The following EIPR1 variants were observed in gnomAD, a reference collection of about 807,000 sequenced individuals.
EIPR1 encodes EARP complex and GARP complex interacting protein 1.
A neutral mutation model predicts 48.1 loss-of-function variants in EIPR1; 25 were observed. That is an observed-to-expected ratio of 0.52 (90% CI 0.38 to 0.73). The LOEUF is 0.73. EIPR1 is among the 30% of genes least tolerant of loss of function. The pLI, the probability that EIPR1 is intolerant of heterozygous loss-of-function variation, is 0.00. For synonymous variants in EIPR1, 204 were observed against 201.9 expected (o/e 1.01, Z -0.09); for missense variants, 415 against 506.2 (o/e 0.82, Z 1.73).
chr2:3,294,616 C>CCA (rs1351081397), intron 3 of EIPR1, among the ~76,000 whole-genome samples: 1 of 129,184 alleles, frequency 7.7e-6, no homozygotes, highest in Non-Finnish European at 1.6e-5. Context: ...CATCCTCTCT[C>CCA]CACACACACC....
chr2:3,343,859 T>A (rs1006381612), intron 2 of EIPR1, among the ~76,000 whole-genome samples: 1 of 152,054 alleles, frequency 6.6e-6, no homozygotes, highest in Non-Finnish European at 1.5e-5. Context: ...CACTGTCCAT[T>A]TCATCTGCGC....
chr2:3,202,781 C>T (rs1419140360), intron 5 of EIPR1, among the ~76,000 whole-genome samples: 3 of 152,194 alleles, frequency 2.0e-5, no homozygotes, highest in African/African-American at 4.8e-5. Context: ...GCACCGCTTG[C>T]GTCCAAAACC....
intron 3 of EIPR1, among the ~76,000 whole-genome samples, chr2:3,332,792 C>T (rs1358398756): frequency 6.6e-6 from 1 of 152,204 alleles, no homozygotes; most frequent in Non-Finnish European, 1.5e-5. Context: ...CTCCCCCTTC[C>T]ACCAACTCCA....
At chr2:3,225,222 ATGTGTGTGTGTGTGTGTGTG>A (rs61557621) in intron 4 of EIPR1, among the ~76,000 whole-genome samples, 18 of 137,018 alleles carry the variant, frequency 1.3e-4, no homozygotes, top group Middle Eastern at 3.5e-3. Context: ...ACACTGTGAT[ATGTGTGTGTGTGTGTGTGTG>A]TGTGTGTGTG....
At chr2:3,244,247 C>G (rs778937149) in intron 4 of EIPR1, among the ~76,000 whole-genome samples, 3 of 152,210 alleles carry the variant, frequency 2.0e-5, no homozygotes, top group Non-Finnish European at 4.4e-5. Flanking sequence ...ACCTGAACAG[C>G]AGTTTGGTCT....
chr2:3,252,703 G>A (rs750639566), intron 4 of EIPR1, among the ~76,000 whole-genome samples: 2 of 152,208 alleles, frequency 1.3e-5, no homozygotes, highest in African/African-American at 2.4e-5. Flanking sequence ...AGACAGGAGC[G>A]TCTAAGTGGG....
chr2:3,246,510 T>C (rs529797065), intron 4 of EIPR1, among the ~76,000 whole-genome samples: 5 of 152,088 alleles, frequency 3.3e-5, no homozygotes, highest in African/African-American at 4.8e-5. Context: ...TGCTAAATGC[T>C]CTCAGCCTGT....
intron 3 of EIPR1, chr2:3,319,799 CCCTGCGGGCAACACCGCA>C (rs1669450375): frequency 8.8e-5 from 10 of 113,006 alleles, no homozygotes; most frequent in African/African-American, 3.8e-4. Context: ...GCAACACCAC[CCCTGCGGGCAACACCGCA>C]CCTGCAGGCA....
chr2:3,205,300 A>G (rs1262006089), intron 5 of EIPR1, among the ~76,000 whole-genome samples: 2 of 152,324 alleles, frequency 1.3e-5, no homozygotes, highest in East Asian at 3.9e-4. Flanking sequence ...ATGACTTGCC[A>G]TTATGTCTGA....
At position 3,286,667 on chromosome 2, in the gene EIPR1, G is replaced by A. The variant is rs1017005884; in HGVS notation, c.260-29212C>T. Among the ~76,000 whole-genome samples the A allele has an allele frequency of 6.6e-5, 10 of 152,242 alleles. No homozygotes were observed. Among genetic ancestry groups the A allele is most frequent in the African/African-American group, 2.2e-4 (9 of 41,470 alleles). On this transcript the variant is annotated intron_variant, in intron 3 of 8. Coordinates refer to ENST00000382125, the MANE Select transcript of EIPR1 (RefSeq NM_003310.5). The surrounding 1 kb of genome is among the most constrained non-coding windows in gnomAD (Gnocchi z 4.2). ...TGCCCCGCAGAGCACCCGAGACAGC[G>A]GCTGGCAGAGCACAGGCAGCAATGC...
At chr2:3,267,848 T>A (rs556055830) in intron 3 of EIPR1, among the ~76,000 whole-genome samples, 1 of 152,228 alleles carries the variant, frequency 6.6e-6, no homozygotes, top group Non-Finnish European at 1.5e-5. Flanking sequence ...AAATATTTAC[T>A]CTCTGGCCCT....
chr2:3,318,849 G>A (rs761536392), intron 3 of EIPR1: 1 of 471,046 alleles, frequency 2.1e-6, no homozygotes, highest in South Asian at 1.5e-5. Context: ...AAACACCTTT[G>A]AGCTCACCTG....
chr2:3,239,629 T>C (rs111677830), intron 4 of EIPR1, among the ~76,000 whole-genome samples: 1 of 149,838 alleles, frequency 6.7e-6, no homozygotes, highest in African/African-American at 2.5e-5. Context: ...TGGCTGCTCA[T>C]TAACCCCCTT....
In EIPR1 at chr2:3,197,858, C is replaced by G. The variant is rs573485441; in HGVS notation, c.517-841G>C. On this transcript the variant is annotated intron_variant, in intron 5 of 8. Coordinates refer to ENST00000382125, the MANE Select transcript of EIPR1 (RefSeq NM_003310.5). ...TTCAAACCAGCTGTGCTCTTCAGAG[C>G]CCTCTGAGAGGAGCCTGAGGCAGGT... 8.6e-4 allele frequency among the ~76,000 whole-genome samples: 131 copies of G among 152,348 alleles called. No homozygotes were observed. In the Middle Eastern group the frequency reaches 0.01, roughly 12 times the overall value.
At chr2:3,342,285 C>G (rs1303321874) in intron 2 of EIPR1, among the ~76,000 whole-genome samples, 1 of 152,092 alleles carries the variant, frequency 6.6e-6, no homozygotes, top group Non-Finnish European at 1.5e-5. Flanking sequence ...AATACCATCA[C>G]ACAGGAACAC....
intron 4 of EIPR1, among the ~76,000 whole-genome samples, chr2:3,255,567 C>T (rs758998415): frequency 3.9e-5 from 6 of 152,228 alleles, no homozygotes; most frequent in Non-Finnish European, 8.8e-5. Flanking sequence ...GACACACACC[C>T]ATGTGGCCTG....
chr2:3,249,912 C>T (rs898636289), intron 4 of EIPR1, among the ~76,000 whole-genome samples: 18 of 152,188 alleles, frequency 1.2e-4, no homozygotes, highest in African/African-American at 4.3e-4. Flanking sequence ...TCTGTGGGTA[C>T]ATAGAATGCA....
chr2:3,293,170 C>T (rs529871979), intron 3 of EIPR1, among the ~76,000 whole-genome samples: 9 of 152,322 alleles, frequency 5.9e-5, no homozygotes, highest in African/African-American at 1.9e-4. Flanking sequence ...ATGGCTTGCT[C>T]GGTGAGTTGA....
chr2:3,372,872 T>G (rs181612852), intron 1 of EIPR1, among the ~76,000 whole-genome samples: 1,533 of 152,258 alleles, frequency 0.01, 14 homozygotes, highest in Non-Finnish European at 0.017. Context: ...CCTCCCTAAC[T>G]CATTTTATTA....
Sources: allele counts gnomAD v4.1 joint callset (sites outside exome capture counted in the v4.1 genomes callset), GRCh38; gene constraint gnomAD v4.1.1; non-coding constraint Gnocchi (gnomAD v3.1); transcripts MANE v1.5; gene names NCBI Gene and HGNC (gene_info 2026-07-23, HGNC 2026-07-21).